The following ITPK1 variants were observed in gnomAD, a reference collection of about 807,000 sequenced individuals.
ITPK1 encodes inositol 1,3,4-trisphosphate 5/6-kinase.
In ITPK1, 21 loss-of-function variants were observed where a neutral mutation model predicts 45.3. The ratio of observed to expected loss-of-function variants is 0.46; its 90% CI spans 0.33 to 0.67. The LOEUF is 0.67. Among genes scored for constraint, ITPK1 ranks in the 30% least tolerant of loss-of-function variants. The pLI is 0.02. For missense variants in ITPK1, 474 were observed against 573.5 expected, an observed-to-expected ratio of 0.83 and a Z score of 1.77; for synonymous variants, 258 against 253.6, an observed-to-expected ratio of 1.02 and a Z score of -0.16.
chr14:93,090,011 G>A (rs937503599), intron 2 of ITPK1, among the ~76,000 whole-genome samples: 3 of 152,064 alleles, frequency 2.0e-5, no homozygotes, highest in African/African-American at 7.3e-5. Context: ...ACAGCTCTGC[G>A]GTGCAGGCCA....
chr14:93,011,426 G>T (rs1227045562), intron 4 of ITPK1, among the ~76,000 whole-genome samples: 2 of 152,186 alleles, frequency 1.3e-5, no homozygotes, highest in African/African-American at 2.4e-5. Context: ...TGGTGGGGTC[G>T]GGGAGGCACT....
Position 92,939,610 on chromosome 14 carries a change from G to C in ITPK1, c.*1951C>G. 2.6e-4 allele frequency: 158 copies of C among 611,742 alleles called. No homozygotes were observed. Among genetic ancestry groups the C allele is most frequent in the South Asian group, 4.5e-4 (6 of 13,420 alleles). The allele number at this position is 611,742 out of a possible 1,614,324, so 37.9% of individuals were successfully genotyped here. A position where few individuals can be genotyped will look rare whatever the true frequency, so the allele number is the denominator to read the frequency against. On this transcript the variant is annotated 3_prime_UTR_variant, in exon 11 of 11. Transcript: ENST00000267615. ...ACAGCCCCGCCCCCGCCCCACCACG[G>C]AGGCCTATGGACGCCACCACGACAC...
At chr14:93,091,155 ATATAAT>A (rs1891851203) in intron 2 of ITPK1, among the ~76,000 whole-genome samples, 1 of 152,278 alleles carries the variant, frequency 6.6e-6, no homozygotes, top group East Asian at 1.9e-4. Flanking sequence ...GGCTGATTGC[ATATAAT>A]TATGAAGAGA....
chr14:93,037,682 A>G (rs923788580), intron 3 of ITPK1, among the ~76,000 whole-genome samples: 1 of 152,220 alleles, frequency 6.6e-6, no homozygotes, highest in African/African-American at 2.4e-5. Context: ...GGAAGACAGA[A>G]GAGTGCCACC....
At chr14:92,966,829 C>T (rs1014241945) in intron 5 of ITPK1, among the ~76,000 whole-genome samples, 1 of 152,204 alleles carries the variant, frequency 6.6e-6, no homozygotes, top group Non-Finnish European at 1.5e-5. Context: ...GGTGCCAAGA[C>T]AATTCAAGGG....
At chr14:93,004,707 A>G (rs1168954330) in intron 4 of ITPK1, among the ~76,000 whole-genome samples, 1 of 151,966 alleles carries the variant, frequency 6.6e-6, no homozygotes, top group African/African-American at 2.4e-5. Flanking sequence ...AGAGGCTCCT[A>G]AGTGGCGGCC....
intron 4 of ITPK1, among the ~76,000 whole-genome samples, chr14:92,997,469 G>T (rs1244555922): frequency 6.6e-6 from 1 of 152,142 alleles, no homozygotes; most frequent in African/African-American, 2.4e-5. Context: ...TCCTAAACAC[G>T]ATCTCTTCTG....
chr14:93,010,314 G>A (rs1407363102), intron 4 of ITPK1, among the ~76,000 whole-genome samples: 2 of 152,244 alleles, frequency 1.3e-5, no homozygotes, highest in South Asian at 4.1e-4. Flanking sequence ...CCATCCCTGT[G>A]CTGGCGACTG....
At chr14:93,046,077 C>T (rs968011298) in intron 3 of ITPK1, among the ~76,000 whole-genome samples, 2 of 152,206 alleles carry the variant, frequency 1.3e-5, no homozygotes, top group African/African-American at 2.4e-5. Context: ...CCCCACCCCA[C>T]GCTCTTTTCT....
intron 3 of ITPK1, among the ~76,000 whole-genome samples, chr14:93,046,601 G>GC (rs961950488): frequency 2.0e-5 from 3 of 146,812 alleles, no homozygotes; most frequent in African/African-American, 5.0e-5. Flanking sequence ...GGGCGGGGGG[G>GC]GGCGGCGGGG....
chr14:92,996,762 C>A (rs1271795175), intron 4 of ITPK1, among the ~76,000 whole-genome samples: 2 of 152,116 alleles, frequency 1.3e-5, no homozygotes, highest in Non-Finnish European at 2.9e-5. Context: ...GCTGTCCTCA[C>A]TCCCTTCCCC....
intron 4 of ITPK1, among the ~76,000 whole-genome samples, chr14:92,996,329 G>A (rs1224820541): frequency 6.6e-5 from 10 of 151,684 alleles, no homozygotes; most frequent in Non-Finnish European, 1.0e-4. Context: ...AAACTATTGC[G>A]AGGACAGAAA....
intron 2 of ITPK1, among the ~76,000 whole-genome samples, chr14:93,085,618 T>A (rs1045515456): frequency 1.1e-4 from 16 of 152,160 alleles, no homozygotes; most frequent in African/African-American, 3.4e-4. Context: ...GAGACTCCCC[T>A]CCTCAGTTCA....
At chr14:93,095,342 A>G (rs1595211553) in intron 2 of ITPK1, among the ~76,000 whole-genome samples, 1 of 152,234 alleles carries the variant, frequency 6.6e-6, no homozygotes, top group Non-Finnish European at 1.5e-5. Flanking sequence ...ACAGAAGTTA[A>G]GAAGTGCTTT....
At chr14:93,095,579 T>TTTG (rs1892044676) in intron 2 of ITPK1, among the ~76,000 whole-genome samples, 1 of 151,822 alleles carries the variant, frequency 6.6e-6, no homozygotes, top group African/African-American at 2.4e-5. Context: ...ACTAGGTTTT[T>TTTG]TTTTTTTTTT....
At chr14:93,005,739 G>A (rs1887577617) in intron 4 of ITPK1, among the ~76,000 whole-genome samples, 1 of 152,182 alleles carries the variant, frequency 6.6e-6, no homozygotes, top group African/African-American at 2.4e-5. Context: ...TTATCCTACA[G>A]AATTCCTCAC....
intron 2 of ITPK1, among the ~76,000 whole-genome samples, chr14:93,108,213 C>T (rs1017542340): frequency 6.6e-5 from 10 of 152,166 alleles, no homozygotes; most frequent in Admixed American, 3.3e-4. Context: ...AGTGACTTTG[C>T]GAGGGAAAGA....
rs537244773 is a variant in ITPK1 at position 93,115,215 on chromosome 14, A to T, written c.-52T>A. 1.5e-4 allele frequency: 203 copies of T among 1,340,840 alleles called. 1 individual carries two copies. In the South Asian group the frequency reaches 1.8e-3, roughly 12 times the overall value. The allele number at this position is 1,340,840 out of a possible 1,614,324, so 83.1% of individuals were successfully genotyped here. The stretch of plus-strand genomic sequence containing the variant: ...TCCGGAGGAAATCGCCCACAGGCCG[A>T]GTCTGGCGGCCGGCGCGCGCCGCGA... On this transcript the variant is annotated 5_prime_UTR_variant, in exon 2 of 11. Coordinates refer to ENST00000267615, the MANE Select transcript of ITPK1 (RefSeq NM_014216.6).
intron 3 of ITPK1, among the ~76,000 whole-genome samples, chr14:93,045,510 A>T (rs924032417): frequency 2.6e-5 from 4 of 152,148 alleles, no homozygotes; most frequent in African/African-American, 9.7e-5. Flanking sequence ...CTTAAAAACC[A>T]ATTAGATGGC....
Sources: gnomAD v4.1 joint callset for allele counts (sites outside exome capture counted in the v4.1 genomes callset) on GRCh38, gnomAD v4.1.1 for gene constraint, MANE v1.5 for transcripts, NCBI Gene and HGNC (gene_info 2026-07-23, HGNC 2026-07-21) for gene names.